LRP1B: variants seen among roughly 807,000 people sequenced by gnomAD.
The protein encoded by LRP1B is low-density lipoprotein receptor-related protein 1B.
A neutral mutation model predicts 556.6 loss-of-function variants in LRP1B; 217 were observed. The observed-to-expected ratio is 0.39, with a 90% CI of 0.35 to 0.44. LRP1B has a LOEUF of 0.44. Among genes scored for constraint, LRP1B ranks in the 20% least tolerant of loss-of-function variants. The pLI, the probability that LRP1B is intolerant of heterozygous loss-of-function variation, is 1.00. For missense variants in LRP1B, 5,053 were observed against 5,620.8 expected, an observed-to-expected ratio of 0.90 and a Z score of 3.23; for synonymous variants, 2,047 against 1,865.8, an observed-to-expected ratio of 1.10 and a Z score of -2.50.
At chr2:141,784,070 T>C (rs929470965) in intron 2 of LRP1B, among the ~76,000 whole-genome samples, 2 of 151,958 alleles carry the variant, frequency 1.3e-5, no homozygotes, top group Non-Finnish European at 2.9e-5. Flanking sequence ...AGTGATCGCA[T>C]TTGTTGGTAC....
intron 41 of LRP1B, among the ~76,000 whole-genome samples, chr2:140,659,928 A>T (rs1685031325): frequency 6.6e-6 from 1 of 152,106 alleles, no homozygotes; most frequent in African/African-American, 2.4e-5. Flanking sequence ...CAGATATGCA[A>T]CTGTTTATCA....
chr2:141,158,385 C>T (rs895122587), intron 7 of LRP1B, among the ~76,000 whole-genome samples: 7 of 152,100 alleles, frequency 4.6e-5, no homozygotes, highest in Non-Finnish European at 1.5e-5. Context: ...CCTTATGTCT[C>T]ATTTTTTAAG....
In LRP1B at chr2:141,337,875, G is replaced by A. The variant is rs142570002; in HGVS notation, c.344-83234C>T. On this transcript the variant is annotated intron_variant, in intron 3 of 90. Transcript: ENST00000389484. The stretch of plus-strand genomic sequence containing the variant: ...TGACAAATAATGACAACATGTTACA[G>A]GTGTGTCAAATGAATTGAGATATTC... Among the ~76,000 whole-genome samples the A allele has an allele frequency of 6.8e-3, 1,041 of 152,242 alleles. 5 individuals carry two copies. The highest frequency in any genetic ancestry group is 0.01 in the Non-Finnish European group (712 of 68,018).
intron 4 of LRP1B, among the ~76,000 whole-genome samples, chr2:141,249,125 A>T (rs1208688662): frequency 6.6e-6 from 1 of 152,192 alleles, no homozygotes; most frequent in East Asian, 1.9e-4. Context: ...TAAGCAATTG[A>T]AAAATGGAAC....
At position 140,769,456 on chromosome 2, in the gene LRP1B, G is replaced by A; in HGVS notation, c.5627-112C>T. The A allele has an allele frequency of 4.6e-6, 5 of 1,092,006 alleles. No individual in the cohort carries two copies. In the South Asian group the frequency reaches 7.3e-5, roughly 16 times the overall value. The allele number at this position is 1,092,006 out of a possible 1,614,324, so 67.6% of individuals were successfully genotyped here. A position where few individuals can be genotyped will look rare whatever the true frequency, so the allele number is the denominator to read the frequency against. On this transcript the variant is annotated intron_variant, in intron 34 of 90. Transcript: ENST00000389484. ...ACAATCTTAATTTATGTTAACAAAT[G>A]TATTTCCTGGCCTTTTAAAAAAATT...
chr2:140,816,213 G>A (rs550556364), intron 31 of LRP1B, among the ~76,000 whole-genome samples: 1 of 151,918 alleles, frequency 6.6e-6, no homozygotes, highest in South Asian at 2.1e-4. Flanking sequence ...CACCTCCTGT[G>A]TTCAAGCAAT....
At chr2:140,896,799 T>A (rs1319307929) in intron 23 of LRP1B, among the ~76,000 whole-genome samples, 1 of 75,728 alleles carries the variant, frequency 1.3e-5, no homozygotes, top group Non-Finnish European at 3.1e-5. Context: ...GCTATCATCA[T>A]TTTTTTTTCT....
intron 21 of LRP1B, among the ~76,000 whole-genome samples, chr2:140,914,590 G>T (rs894758576): frequency 4.6e-5 from 7 of 152,168 alleles, no homozygotes; most frequent in African/African-American, 1.7e-4. Flanking sequence ...TTGCTATGAA[G>T]ACTTTGCAGA....
intron 2 of LRP1B, among the ~76,000 whole-genome samples, chr2:141,646,627 T>C (rs1404672801): frequency 6.6e-6 from 1 of 152,124 alleles, no homozygotes; most frequent in Non-Finnish European, 1.5e-5. Flanking sequence ...AATTCAGTTA[T>C]TTAGAAAACT....
chr2:142,089,388 A>G (rs1327856366), intron 1 of LRP1B, among the ~76,000 whole-genome samples: 1 of 152,244 alleles, frequency 6.6e-6, no homozygotes, highest in Non-Finnish European at 1.5e-5. Flanking sequence ...ACGTCTTGCA[A>G]CTGAAGAGAA....
rs554321569 is a variant in LRP1B, at chr2:140,923,009, A to G, written c.3275T>C (p.Ile1092Thr). 8.7e-6 allele frequency: 14 copies of G among 1,613,142 alleles called. No homozygotes were observed. Among genetic ancestry groups the G allele is most frequent in the Non-Finnish European group, 1.1e-5 (13 of 1,179,324 alleles). Residue 1092 changes from isoleucine (I) to threonine (T), a missense_variant, in exon 21 of 91, where the codon ATA becomes ACA. This residue lies in a region of LRP1B where 3,619 missense variants were observed against 3,931.9 expected (regional missense o/e 0.92). Transcript: ENST00000389484. ...CTTGGTTTTGTGGTCACACAATCGT[A>G]TGGTACCATTGCAACCTTTTTCATC... is the stretch of plus-strand genomic sequence containing the variant. ...GSDEKGCNGTIRLCDHKTKFS... is the reference protein window; with the variant it reads ...GSDEKGCNGTTRLCDHKTKFS...
rs765082426 is a variant in LRP1B at position 140,371,270 on chromosome 2, G to A, written c.10784C>T (p.Ser3595Leu). ...ACTGGCACATATATATTCACGTGATGAGCAAGTAGGAGAAGCTGAATACAA... is the reference window on the plus strand; with the variant it reads ...ACTGGCACATATATATTCACGTGATAAGCAAGTAGGAGAAGCTGAATACAA... ...KSCEPASPTC[S>L]SREYICASDG... The change falls in exon 70 of 91, where the codon TCA becomes TTA. Residue 3595 changes from serine to leucine, a missense_variant. Physicochemically the swap from Ser to Leu is moderately radical, Grantham distance 145 (BLOSUM62 -2). Around this residue, in one of 5 missense-constraint regions of LRP1B, gnomAD observed 599 missense variants for 648.4 expected, o/e 0.92. Transcript: ENST00000389484. 12 of 1,567,298 alleles carry A rather than the reference G, an allele frequency of 7.7e-6. No homozygotes were observed. In the Admixed American group the frequency reaches 9.2e-5, roughly 12 times the overall value.
At chr2:141,847,374 A>G (rs1396341647) in intron 1 of LRP1B, among the ~76,000 whole-genome samples, 1 of 151,626 alleles carries the variant, frequency 6.6e-6, no homozygotes, top group Non-Finnish European at 1.5e-5. Flanking sequence ...ATTCTCATCA[A>G]ATCAATTTAT....
At chr2:141,977,147 T>A (rs998484241) in intron 1 of LRP1B, among the ~76,000 whole-genome samples, 55 of 152,082 alleles carry the variant, frequency 3.6e-4, no homozygotes, top group African/African-American at 1.3e-3. Flanking sequence ...AACTTTAAAC[T>A]TTTTTTTGAT....
At position 140,232,023 on chromosome 2, in the gene LRP1B, T is replaced by C. The variant is rs1052027651; in HGVS notation, c.*1163A>G. ...TCTGTAAAACCCAGAGAAACCTGAA[T>C]ACCAGAGCAACTGGCACAGCATTTC... is the stretch of plus-strand genomic sequence containing the variant. On this transcript the variant is annotated 3_prime_UTR_variant, in exon 91 of 91. Coordinates refer to ENST00000389484, the MANE Select transcript of LRP1B (RefSeq NM_018557.3). The C allele has an allele frequency of 6.6e-6, 1 of 151,478 alleles. No individual in the cohort carries two copies. Among genetic ancestry groups the C allele is most frequent in the Non-Finnish European group, 1.5e-5 (1 of 67,566 alleles). The allele number at this position is 151,478 out of a possible 1,614,324, so 9.4% of individuals were successfully genotyped here.
At chr2:141,624,951 G>C (rs1440152214) in intron 2 of LRP1B, among the ~76,000 whole-genome samples, 1 of 151,936 alleles carries the variant, frequency 6.6e-6, no homozygotes, top group African/African-American at 2.4e-5. Flanking sequence ...TTGTATTTTA[G>C]TAGAGTCGGG....
intron 1 of LRP1B, among the ~76,000 whole-genome samples, chr2:141,864,544 T>C (rs528277495): frequency 6.8e-6 from 1 of 147,388 alleles, no homozygotes; most frequent in African/African-American, 2.5e-5. Flanking sequence ...CAACTTTATT[T>C]TGCATTAAAA....
chr2:141,549,250 T>C (rs1414206156), intron 2 of LRP1B, among the ~76,000 whole-genome samples: 1 of 152,132 alleles, frequency 6.6e-6, no homozygotes, highest in Non-Finnish European at 1.5e-5. Flanking sequence ...ATGATAAATG[T>C]AAACCTCATG....
At chr2:140,233,471 T>C in intron 90 of LRP1B, 145 bp from the exon 91 acceptor site, 1 of 515,290 alleles carries the variant, frequency 1.9e-6, no homozygotes, top group Non-Finnish European at 3.2e-6. Flanking sequence ...TTAAAGGTTA[T>C]TTACATGTTA....
Sources: allele counts gnomAD v4.1 joint callset (sites outside exome capture counted in the v4.1 genomes callset), GRCh38; gene constraint gnomAD v4.1.1; regional missense constraint gnomAD v4.1.1; transcripts MANE v1.5; gene names NCBI Gene and HGNC (gene_info 2026-07-23, HGNC 2026-07-21).